The following MRPL3 variants were observed in gnomAD, a reference collection of about 807,000 sequenced individuals.
MRPL3 encodes mitochondrial ribosomal protein L3.
Under a neutral mutation model 44.3 loss-of-function variants are expected in MRPL3, and 43 were observed. That is an observed-to-expected ratio of 0.97 (90% CI 0.76 to 1.25). The LOEUF (loss-of-function observed/expected upper bound fraction) is 1.25. Among genes scored for constraint, MRPL3 ranks in the 50% most tolerant of loss-of-function variants. MRPL3 has a pLI of 0.00. For synonymous variants in MRPL3, 171 were observed against 152.3 expected (o/e 1.12, Z -0.91); for missense variants, 406 against 427.6 (o/e 0.95, Z 0.45).
At chr3:131,494,431 A>G (rs1205563518) in intron 4 of MRPL3, among the ~76,000 whole-genome samples, 1 of 152,222 alleles carries the variant, frequency 6.6e-6, no homozygotes. Context: ...TAAAATTCAG[A>G]TTTATTAAAT....
chr3:131,483,775 C>A (rs1194612477), intron 6 of MRPL3, among the ~76,000 whole-genome samples: 1 of 152,076 alleles, frequency 6.6e-6, no homozygotes, highest in Non-Finnish European at 1.5e-5. Context: ...ATACTTCTCA[C>A]ACTATTTTCT....
chr3:131,476,971 T>C (rs1232194378), intron 6 of MRPL3, among the ~76,000 whole-genome samples: 1 of 152,198 alleles, frequency 6.6e-6, no homozygotes, highest in African/African-American at 2.4e-5. Context: ...GGGAGAAGCT[T>C]AAAGGTATGG....
At position 131,502,854 on chromosome 3, in the gene MRPL3, C is replaced by A. The variant is rs1229257426; in HGVS notation, c.-33G>T. ...CCCGGGAAGACTCGACTCACGACTTCCGGGCGCCCTGCCGCTCTGCTTTCA... is the reference window on the plus strand; with the variant it reads ...CCCGGGAAGACTCGACTCACGACTTACGGGCGCCCTGCCGCTCTGCTTTCA... On this transcript the variant is annotated 5_prime_UTR_variant, in exon 1 of 10. Coordinates refer to ENST00000264995, the MANE Select transcript of MRPL3 (RefSeq NM_007208.4). 1.9e-6 allele frequency: 3 copies of A among 1,597,884 alleles called. No individual in the cohort carries two copies. The highest frequency in any genetic ancestry group is 1.3e-5 in the African/African-American group (1 of 74,582).
intron 9 of MRPL3, among the ~76,000 whole-genome samples, chr3:131,467,599 C>G (rs1933640697): frequency 6.6e-6 from 1 of 152,066 alleles, no homozygotes; most frequent in Non-Finnish European, 1.5e-5. Context: ...GCACCTCCCC[C>G]TTCCCTCTCT....
At chr3:131,473,843 C>G (rs981810316) in intron 6 of MRPL3, among the ~76,000 whole-genome samples, 2 of 152,062 alleles carry the variant, frequency 1.3e-5, no homozygotes, top group Non-Finnish European at 2.9e-5. Flanking sequence ...AAATGCAAAT[C>G]AAAACCACAA....
intron 6 of MRPL3, among the ~76,000 whole-genome samples, chr3:131,477,200 T>A (rs1933871970): frequency 6.6e-6 from 1 of 152,180 alleles, no homozygotes; most frequent in Non-Finnish European, 1.5e-5. Flanking sequence ...TCTATGGGGA[T>A]AAAACGAAAT....
intron 6 of MRPL3, among the ~76,000 whole-genome samples, chr3:131,484,251 G>C (rs1291695616): frequency 6.6e-6 from 1 of 152,176 alleles, no homozygotes; most frequent in African/African-American, 2.4e-5. Flanking sequence ...CTCAATGTGT[G>C]TTTCCGGACC....
intron 3 of MRPL3, among the ~76,000 whole-genome samples, chr3:131,498,988 T>C (rs1934434026): frequency 6.6e-6 from 1 of 152,214 alleles, no homozygotes; most frequent in Non-Finnish European, 1.5e-5. Flanking sequence ...TTGTGTTTTA[T>C]AAGACCTCTA....
intron 4 of MRPL3, 32 bp downstream of exon 4, chr3:131,498,147 G>T: frequency 1.5e-6 from 2 of 1,330,862 alleles, no homozygotes; most frequent in Non-Finnish European, 2.2e-6. Flanking sequence ...GATGAAAAAT[G>T]CAGTATTCTA....
intron 6 of MRPL3, among the ~76,000 whole-genome samples, chr3:131,471,782 C>A (rs1022588657): frequency 2.6e-5 from 4 of 152,158 alleles, no homozygotes; most frequent in Non-Finnish European, 5.9e-5. Context: ...TGAGATGTCA[C>A]TTCTGAGATT....
At chr3:131,500,137 A>AT (rs1193851316) in intron 3 of MRPL3, among the ~76,000 whole-genome samples, 2 of 152,142 alleles carry the variant, frequency 1.3e-5, no homozygotes, top group Admixed American at 1.3e-4. Flanking sequence ...TGGGATTGAG[A>AT]TTTTTTTCCA....
At chr3:131,500,002 C>T (rs997073366) in intron 3 of MRPL3, among the ~76,000 whole-genome samples, 2 of 152,194 alleles carry the variant, frequency 1.3e-5, no homozygotes, top group African/African-American at 2.4e-5. Flanking sequence ...CATTCTTACC[C>T]ACTAGACTAT....
chr3:131,481,235 T>C (rs944905382), intron 6 of MRPL3, among the ~76,000 whole-genome samples: 2 of 152,352 alleles, frequency 1.3e-5, no homozygotes, highest in Middle Eastern at 3.4e-3. Context: ...ACTTAATGTA[T>C]TGGAAAACAC....
rs1417805112 is a variant in MRPL3 at position 131,487,680 on chromosome 3, G to A, written c.629C>T (p.Thr210Ile). 3.1e-6 allele frequency: 5 copies of A among 1,609,948 alleles called. No homozygotes were observed. The highest frequency in any genetic ancestry group is 2.7e-5 in the African/African-American group (2 of 74,722). The change falls in exon 6 of 10, where the codon ACT becomes ATT. Residue 210 changes from threonine (T) to isoleucine (I), a missense_variant and splice_region_variant. Transcript: ENST00000264995. The stretch of plus-strand genomic sequence containing the variant: ...AAGAGAACTCGCTATGAGGACCTAC[G>A]TTTTGGCTGTGACATCCACATACTG... ...PGQYVDVTAK[T>I]IGKGFQGVMK...
At position 131,502,816 on chromosome 3, in the gene MRPL3, C is replaced by G. The variant is rs758583143; in HGVS notation, c.6G>C (p.Pro2=). Residue 2 remains proline (P), a synonymous_variant, in exon 1 of 10, where the codon CCG becomes CCC. Transcript: ENST00000264995. ...CGACCTGCGTCAGCAGCCTCCAACCCGGCATGGATTAGCCCGGGAAGACTC... is the reference window on the plus strand; with the variant it reads ...CGACCTGCGTCAGCAGCCTCCAACCGGGCATGGATTAGCCCGGGAAGACTC... M[P]GWRLLTQVGA... is the part of the protein sequence containing the mutation. 3 of 1,612,188 alleles carry G rather than the reference C, an allele frequency of 1.9e-6. No individual in the cohort carries two copies. The highest frequency in any genetic ancestry group is 1.7e-6 in the Non-Finnish European group (2 of 1,179,422).
intron 4 of MRPL3, among the ~76,000 whole-genome samples, chr3:131,490,362 G>C (rs530510670): frequency 2.0e-5 from 3 of 152,218 alleles, no homozygotes; most frequent in South Asian, 2.1e-4. Context: ...GGAAAATAGA[G>C]AGTTGTGCTC....
intron 1 of MRPL3, 188 bp from the exon 2 acceptor site, chr3:131,501,903 AT>A: frequency 6.5e-7 from 1 of 1,537,158 alleles, no homozygotes; most frequent in Non-Finnish European, 8.7e-7. Context: ...TAAGGCTCAC[AT>A]TTAAACTGTT....
intron 6 of MRPL3, among the ~76,000 whole-genome samples, chr3:131,486,361 C>A (rs1347795777): frequency 2.9e-5 from 2 of 68,320 alleles, no homozygotes; most frequent in African/African-American, 7.1e-5. Flanking sequence ...AGCTTCTGCA[C>A]GGCAAAAAAA....
Position 131,502,914 on chromosome 3 carries a change from AG to A in MRPL3, c.-94del. ...CACGCCACCGCCACGTGGACGCAGT[AG>A]CCGTGGGGAAGTTTTCGCAATGGCC... On this transcript the variant is annotated 5_prime_UTR_variant, in exon 1 of 10. Coordinates refer to ENST00000264995, the MANE Select transcript of MRPL3 (RefSeq NM_007208.4). 6 of 1,223,906 alleles carry A rather than the reference AG, an allele frequency of 4.9e-6. No homozygotes were observed. The highest frequency in any genetic ancestry group is 7.1e-6 in the Non-Finnish European group (6 of 848,822). 75.8% of individuals were successfully genotyped at this position (1,223,906 alleles called of 1,614,324 possible). A position where few individuals can be genotyped will look rare whatever the true frequency, so the allele number is the denominator to read the frequency against.
Sources: gnomAD v4.1 joint callset for allele counts (sites outside exome capture counted in the v4.1 genomes callset) on GRCh38, gnomAD v4.1.1 for gene constraint, MANE v1.5 for transcripts, NCBI Gene and HGNC (gene_info 2026-07-23, HGNC 2026-07-21) for gene names.